TPRG1: variants seen among roughly 807,000 people sequenced by gnomAD.
TPRG1 encodes the protein tumor protein p63-regulated gene 1 protein.
Under a neutral mutation model 29.3 loss-of-function variants are expected in TPRG1, and 29 were observed. The ratio of observed to expected loss-of-function variants is 0.99; its 90% CI spans 0.74 to 1.35. The LOEUF is 1.35. Ranked by LOEUF, TPRG1 falls within the 40% of genes most tolerant of loss-of-function variation. The pLI is 0.00. For missense variants in TPRG1, 327 were observed against 335.0 expected (o/e 0.98, Z 0.19); for synonymous variants, 130 against 116.8 (o/e 1.11, Z -0.73).
intron 4 of TPRG1, among the ~76,000 whole-genome samples, chr3:189,082,240 C>T (rs2152170290): frequency 6.6e-6 from 1 of 152,248 alleles, no homozygotes; most frequent in East Asian, 1.9e-4. Flanking sequence ...AAACCTGGGT[C>T]CTTGCCTGGC....
intron 4 of TPRG1, among the ~76,000 whole-genome samples, chr3:189,278,505 C>A (rs1716547080): frequency 6.6e-6 from 1 of 152,158 alleles, no homozygotes; most frequent in African/African-American, 2.4e-5. Flanking sequence ...ATGCTATGAA[C>A]AATGCCAATT....
At chr3:189,065,520 A>G (rs1350467058) in intron 4 of TPRG1, among the ~76,000 whole-genome samples, 1 of 152,190 alleles carries the variant, frequency 6.6e-6, no homozygotes, top group Non-Finnish European at 1.5e-5. Flanking sequence ...TTAACACTCA[A>G]AAATCATTCA....
At chr3:189,218,919 C>G (rs1002626427) in intron 3 of TPRG1, among the ~76,000 whole-genome samples, 1 of 152,230 alleles carries the variant, frequency 6.6e-6, no homozygotes, top group East Asian at 1.9e-4. Flanking sequence ...AGAGAAGAGA[C>G]TGGAGAAGAG....
chr3:189,292,726 C>A (rs1415314990), intron 4 of TPRG1, among the ~76,000 whole-genome samples: 1 of 152,180 alleles, frequency 6.6e-6, no homozygotes, highest in Non-Finnish European at 1.5e-5. Flanking sequence ...TGAGCAAAAG[C>A]TTTAAGGTGA....
At chr3:189,140,698 G>A (rs184845345) in intron 3 of TPRG1, among the ~76,000 whole-genome samples, 2 of 152,170 alleles carry the variant, frequency 1.3e-5, no homozygotes, top group East Asian at 3.9e-4. Flanking sequence ...CCTTTCCTTT[G>A]GGTCATATAG....
At chr3:189,184,540 T>G (rs1730656122) in intron 1 of TPRG1, among the ~76,000 whole-genome samples, 1 of 152,340 alleles carries the variant, frequency 6.6e-6, no homozygotes, top group South Asian at 2.1e-4. Context: ...AGATTTCTTT[T>G]TCCTTCTTTT....
At position 189,311,545 on chromosome 3, in the gene TPRG1, A is replaced by G. The variant is rs1577035125; in HGVS notation, c.633+1006A>G. Among the ~76,000 whole-genome samples, 7 of 152,312 alleles carry G rather than the reference A, an allele frequency of 4.6e-5. No homozygotes were observed. In the South Asian group the frequency reaches 1.5e-3, roughly 32 times the overall value. On this transcript the variant is annotated intron_variant, in intron 5 of 5. Coordinates refer to ENST00000345063, the MANE Select transcript of TPRG1 (RefSeq NM_198485.4). Reference sequence around the variant, plus strand: ...TTAAAAAGAATTTGAGGCAACATATATTTGATTACAGGCTAGATGGAGTCT... The same window carrying G: ...TTAAAAAGAATTTGAGGCAACATATGTTTGATTACAGGCTAGATGGAGTCT...
At chr3:189,171,524 T>C (rs901502252), upstream of TPRG1, among the ~76,000 whole-genome samples, 2 of 152,252 alleles carry the variant, frequency 1.3e-5, no homozygotes, top group South Asian at 4.1e-4. Flanking sequence ...CATTTCCTAA[T>C]AGGAATACTG....
At chr3:189,122,506 AT>A (rs528112163) in intron 1 of TPRG1, among the ~76,000 whole-genome samples, 7 of 152,284 alleles carry the variant, frequency 4.6e-5, no homozygotes, top group African/African-American at 1.7e-4. Context: ...ATTCCTGGGC[AT>A]TTTTTTCCTA....
intron 2 of TPRG1, among the ~76,000 whole-genome samples, chr3:189,210,331 C>A (rs1430837224): frequency 1.3e-5 from 2 of 152,120 alleles, no homozygotes; most frequent in Admixed American, 1.3e-4. Context: ...ACTTTACATC[C>A]ATTTTTCTGT....
intron 3 of TPRG1, chr3:189,132,800 A>C (rs1334275847): frequency 6.6e-6 from 1 of 152,210 alleles, no homozygotes; most frequent in African/African-American, 2.4e-5. Context: ...GTTTATTTTA[A>C]AAAGTTTTAG....
intron 1 of TPRG1, among the ~76,000 whole-genome samples, chr3:189,125,264 G>A (rs778986302): frequency 2.0e-5 from 3 of 152,074 alleles, no homozygotes; most frequent in Non-Finnish European, 4.4e-5. Flanking sequence ...ATATAACCTC[G>A]GGCAAGTTTC....
At chr3:189,025,732 G>A (rs1210059819) in intron 4 of TPRG1, among the ~76,000 whole-genome samples, 1 of 152,190 alleles carries the variant, frequency 6.6e-6, no homozygotes, top group African/African-American at 2.4e-5. Context: ...AATCAAGCAT[G>A]TGCCTGCTTT....
chr3:189,005,875 A>C (rs905728701), intron 3 of TPRG1, among the ~76,000 whole-genome samples: 3 of 152,122 alleles, frequency 2.0e-5, no homozygotes, highest in Non-Finnish European at 4.4e-5. Flanking sequence ...TTAGTAAACT[A>C]AAGGCACTAT....
At chr3:189,110,314 T>G (rs1278373595) in intron 1 of TPRG1, among the ~76,000 whole-genome samples, 2 of 152,236 alleles carry the variant, frequency 1.3e-5, no homozygotes, top group Admixed American at 6.5e-5. Context: ...TATCTCATTG[T>G]GACTTTAATT....
At position 189,312,093 on chromosome 3, in the gene TPRG1, CTT is replaced by C. The variant is rs369388522; in HGVS notation, c.633+1556_633+1557del. Among the ~76,000 whole-genome samples, 86 of 95,166 alleles carry C rather than the reference CTT, an allele frequency of 9.0e-4. 5 individuals carry two copies. Among genetic ancestry groups the C allele is most frequent in the South Asian group, 1.6e-3 (5 of 3,206 alleles). 62.4% of individuals were successfully genotyped at this position (95,166 alleles called of 152,430 possible). ...CAGAACACTTTATGTTTCTTTCTTT[CTT>C]TGTTTCTTTGTTTCTTTCTTTGTTT... On this transcript the variant is annotated intron_variant, in intron 5 of 5. Transcript: ENST00000345063.
chr3:189,310,596 T>C, intron 5 of TPRG1, 57 bp downstream of exon 5: 1 of 1,345,642 alleles, frequency 7.4e-7, no homozygotes, highest in Non-Finnish European at 1.0e-6. Context: ...AGCTATGTGC[T>C]TCTAGGGACG....
intron 4 of TPRG1, among the ~76,000 whole-genome samples, chr3:189,296,320 T>A (rs1415279551): frequency 6.6e-6 from 1 of 152,220 alleles, no homozygotes; most frequent in Admixed American, 6.5e-5. Flanking sequence ...GAAGCAGGTA[T>A]GAAAAAGCTT....
intron 3 of TPRG1, among the ~76,000 whole-genome samples, chr3:189,223,769 G>A (rs1404311177): frequency 2.6e-5 from 4 of 152,122 alleles, no homozygotes; most frequent in African/African-American, 7.2e-5. Flanking sequence ...TCTTAAGAGC[G>A]TTATTTCAAT....
Sources: allele counts gnomAD v4.1 joint callset (sites outside exome capture counted in the v4.1 genomes callset), GRCh38; gene constraint gnomAD v4.1.1; transcripts MANE v1.5; gene names NCBI Gene and HGNC (gene_info 2026-07-23, HGNC 2026-07-21).